Variants in ABCA13 observed in about 807,000 individuals in gnomAD.
ABCA13 encodes the protein ATP-binding cassette sub-family A member 13.
In ABCA13, 476 loss-of-function variants were observed where a neutral mutation model predicts 478.7. The observed-to-expected ratio is 0.99, with a 90% confidence interval of 0.92 to 1.07. The LOEUF (loss-of-function observed/expected upper bound fraction) is 1.07. Ranked by LOEUF, ABCA13 falls within the 50% of genes least tolerant of loss-of-function variation. The pLI is 0.00. For missense variants in ABCA13, 6,060 were observed against 5,910.6 expected (o/e 1.03, Z -0.83); for synonymous variants, 2,252 against 2,158.9 (o/e 1.04, Z -1.20).
chr7:48,362,409 C>CTTTTTTTTTTTTTTTTTTTTTTTTTT (rs35795708), intron 31 of ABCA13, among the ~76,000 whole-genome samples: 1 of 86,012 alleles, frequency 1.2e-5, no homozygotes, highest in Non-Finnish European at 2.2e-5. Context: ...TCCTCTTCTT[C>CTTTTTTTTTTTTTTTTTTTTTTTTTT]TTTTTTTTTT....
At chr7:48,346,260 C>T (rs1337854476) in intron 29 of ABCA13, among the ~76,000 whole-genome samples, 1 of 152,104 alleles carries the variant, frequency 6.6e-6, no homozygotes, top group Admixed American at 6.6e-5. Context: ...AAGCTTAAAG[C>T]CTTCTCCAAA....
intron 35 of ABCA13, among the ~76,000 whole-genome samples, chr7:48,383,531 G>T (rs1310354995): frequency 6.6e-6 from 1 of 152,188 alleles, no homozygotes; most frequent in East Asian, 1.9e-4. Flanking sequence ...CTCAAAATGT[G>T]AAGGTGTTCA....
chr7:48,514,183 A>T (rs1390225696), intron 51 of ABCA13, among the ~76,000 whole-genome samples: 1 of 151,632 alleles, frequency 6.6e-6, no homozygotes, highest in East Asian at 1.9e-4. Flanking sequence ...GTATTGCTGG[A>T]TGTGGAGATG....
chr7:48,413,429 G>A (rs1819544399), intron 41 of ABCA13, among the ~76,000 whole-genome samples: 1 of 152,104 alleles, frequency 6.6e-6, no homozygotes, highest in African/African-American at 2.4e-5. Context: ...AGAAATAGGC[G>A]TTTCCTCCAG....
intron 59 of ABCA13, among the ~76,000 whole-genome samples, chr7:48,639,735 C>T (rs1005825563): frequency 6.6e-6 from 1 of 152,056 alleles, no homozygotes; most frequent in African/African-American, 2.4e-5. Context: ...TTTTACAAAT[C>T]CTGTTATTTT....
chr7:48,628,621 A>G (rs941686735), intron 59 of ABCA13, among the ~76,000 whole-genome samples: 3 of 152,204 alleles, frequency 2.0e-5, no homozygotes, highest in Non-Finnish European at 2.9e-5. Flanking sequence ...TCCCTGTGAC[A>G]TATTAAATAT....
intron 42 of ABCA13, among the ~76,000 whole-genome samples, chr7:48,431,773 G>T (rs1331128209): frequency 1.3e-5 from 2 of 151,856 alleles, no homozygotes; most frequent in Non-Finnish European, 1.5e-5. Flanking sequence ...TATTCTTCCT[G>T]GTCTTTTTAG....
chr7:48,647,179 T>C lies in ABCA13; in HGVS notation c.*1667T>C, dbSNP rs1391398908. 6.6e-6 allele frequency: 1 copy of C among 152,230 alleles called. No homozygotes were observed. Among genetic ancestry groups the C allele is most frequent in the Non-Finnish European group, 1.5e-5 (1 of 68,034 alleles). The allele number at this position is 152,230 out of a possible 1,614,324, so 9.4% of individuals were successfully genotyped here. A position where few individuals can be genotyped will look rare whatever the true frequency, so the allele number is the denominator to read the frequency against. On this transcript the variant is annotated 3_prime_UTR_variant, in exon 62 of 62. Transcript: ENST00000435803. ...ATACTTCCTTATGAGATTTCTTTAC[T>C]AAAGCAAGATTTCATTAAATCTCTA...
intron 9 of ABCA13, 53 bp from the exon 10 acceptor site, chr7:48,240,814 T>G (rs1790716633): frequency 7.1e-7 from 1 of 1,405,044 alleles, no homozygotes; most frequent in African/African-American, 1.4e-5. Context: ...CTAAATACTG[T>G]TCTTTCCAAT....
At chr7:48,284,467 C>G (rs1797458102) in intron 19 of ABCA13, among the ~76,000 whole-genome samples, 1 of 152,166 alleles carries the variant, frequency 6.6e-6, no homozygotes, top group Admixed American at 6.5e-5. Flanking sequence ...TACATGATTT[C>G]AGCATTTGGA....
At chr7:48,503,509 G>T (rs992008432) in intron 48 of ABCA13, among the ~76,000 whole-genome samples, 12 of 152,168 alleles carry the variant, frequency 7.9e-5, no homozygotes, top group South Asian at 4.1e-4. Flanking sequence ...ACTTTTAAAA[G>T]TTCCACACAT....
chr7:48,523,247 G>A (rs560840666), intron 53 of ABCA13, among the ~76,000 whole-genome samples: 8 of 152,058 alleles, frequency 5.3e-5, no homozygotes, highest in African/African-American at 9.6e-5. Context: ...TTTTCTCATC[G>A]TCTATGTTCT....
intron 27 of ABCA13, among the ~76,000 whole-genome samples, chr7:48,318,710 C>T (rs555482693): frequency 6.6e-5 from 10 of 152,100 alleles, no homozygotes; most frequent in East Asian, 1.9e-4. Context: ...GGAGCCTCTG[C>T]GCCATTACTC....
At position 48,268,999 on chromosome 7, in the gene ABCA13, T is replaced by C; in HGVS notation, c.2025T>C (p.Pro675=). The change falls in exon 16 of 62, where the codon CCT becomes CCC. Residue 675 remains proline, a synonymous_variant. Transcript: ENST00000435803. ...ATTTAGCTTTTCCTGAGGAATCTCCTTGTTTTGAAGAAAACATGGATTGGA... is the reference window on the plus strand; with the variant it reads ...ATTTAGCTTTTCCTGAGGAATCTCCCTGTTTTGAAGAAAACATGGATTGGA... ...NRLLAFPEES[P]CFEENMDWKM... is the part of the protein sequence containing the mutation. 1.9e-6 allele frequency: 3 copies of C among 1,584,014 alleles called. No homozygotes were observed. Among genetic ancestry groups the C allele is most frequent in the Non-Finnish European group, 2.6e-6 (3 of 1,155,384 alleles).
intron 44 of ABCA13, among the ~76,000 whole-genome samples, chr7:48,470,923 A>C (rs973370940): frequency 6.6e-6 from 1 of 152,204 alleles, no homozygotes; most frequent in Non-Finnish European, 1.5e-5. Flanking sequence ...CATTACTGAA[A>C]CAAAGTTTGA....
chr7:48,629,398 G>A (rs1793952568), intron 59 of ABCA13, among the ~76,000 whole-genome samples: 1 of 151,998 alleles, frequency 6.6e-6, no homozygotes, highest in African/African-American at 2.4e-5. Context: ...TTGGGATTTG[G>A]GAGAAGCTTT....
intron 52 of ABCA13, among the ~76,000 whole-genome samples, chr7:48,517,218 G>C (rs73694659): frequency 0.066 from 10,078 of 152,190 alleles, 408 homozygotes; most frequent in African/African-American, 0.11. Flanking sequence ...TGGTGGAAGA[G>C]TGAGTCATTG....
chr7:48,323,355 AC>A (rs1803797546), intron 27 of ABCA13, among the ~76,000 whole-genome samples: 1 of 152,154 alleles, frequency 6.6e-6, no homozygotes, highest in African/African-American at 2.4e-5. Context: ...TGGCTCTTGT[AC>A]CCATTTGAGC....
At chr7:48,431,342 A>AAACAACAACAACAACAAC (rs56675430) in intron 42 of ABCA13, among the ~76,000 whole-genome samples, 1 of 147,926 alleles carries the variant, frequency 6.8e-6, no homozygotes, top group Non-Finnish European at 1.5e-5. Context: ...ATTCTGTCTC[A>AAACAACAACAACAACAAC]AACAACAACA....
Sources: allele counts gnomAD v4.1 joint callset (sites outside exome capture counted in the v4.1 genomes callset), GRCh38; gene constraint gnomAD v4.1.1; transcripts MANE v1.5; gene names NCBI Gene and HGNC (gene_info 2026-07-23, HGNC 2026-07-21).